Variants in MDN1 observed in about 807,000 individuals in gnomAD.
The protein encoded by MDN1 is midasin AAA ATPase 1.
Under a neutral mutation model 669.2 loss-of-function variants are expected in MDN1, and 266 were observed. That is an observed-to-expected ratio of 0.40 (90% CI 0.36 to 0.44). The LOEUF is 0.44. Among genes scored for constraint, MDN1 ranks in the 20% least tolerant of loss-of-function variants. The pLI is 1.00. For synonymous variants in MDN1, 2,385 were observed against 2,457.1 expected (o/e 0.97, Z 0.87); for missense variants, 5,940 against 6,754.0 (o/e 0.88, Z 4.22).
intron 73 of MDN1, among the ~76,000 whole-genome samples, chr6:89,682,035 C>G (rs1811643898): frequency 6.6e-6 from 1 of 152,212 alleles, no homozygotes; most frequent in African/African-American, 2.4e-5. Flanking sequence ...CATTCTGTAA[C>G]AGACCTGCTA....
At chr6:89,707,751 G>A (rs1172442476) in intron 51 of MDN1, among the ~76,000 whole-genome samples, 1 of 152,222 alleles carries the variant, frequency 6.6e-6, no homozygotes, top group East Asian at 1.9e-4. Context: ...CTTCAAAGTG[G>A]CCATGGTAGA....
rs761599132 is a variant in MDN1, at chr6:89,678,779, A to G, written c.12266-34T>C. Reference sequence around the variant, plus strand: ...GAAAACAAGGCGGGGAGGGGAGACAATAAGAAAATCCCAGGGGTCTGGTAA... The same window carrying G: ...GAAAACAAGGCGGGGAGGGGAGACAGTAAGAAAATCCCAGGGGTCTGGTAA... On this transcript the variant is annotated intron_variant, in intron 74 of 101. Coordinates refer to ENST00000369393, the MANE Select transcript of MDN1 (RefSeq NM_014611.3). The G allele has an allele frequency of 5.0e-6, 8 of 1,591,864 alleles. No homozygotes were observed. The Admixed American group carries it at 5.3e-5, about 11-fold the overall frequency.
In MDN1 at chr6:89,780,186, A is replaced by G. The variant is rs1818593093; in HGVS notation, c.1725+26T>C. 6.4e-6 allele frequency: 9 copies of G among 1,401,428 alleles called. 1 individual carries two copies. The East Asian group carries it at 2.2e-4, about 34-fold the overall frequency. The allele number at this position is 1,401,428 out of a possible 1,614,324, so 86.8% of individuals were successfully genotyped here. On this transcript the variant is annotated intron_variant, in intron 11 of 101. Transcript: ENST00000369393. Reference sequence around the variant, plus strand: ...TCAACAGCCTTACAGAACCAAGACAAAAAAGACTGGAAAACTATATCTTAC... The same window carrying G: ...TCAACAGCCTTACAGAACCAAGACAGAAAAGACTGGAAAACTATATCTTAC...
intron 59 of MDN1, among the ~76,000 whole-genome samples, chr6:89,697,729 C>T (rs1185639928): frequency 6.6e-6 from 1 of 151,924 alleles, no homozygotes; most frequent in Non-Finnish European, 1.5e-5. Context: ...TTCAGGCGCA[C>T]ACCACTACTG....
chr6:89,753,656 A>G (rs1363524908), intron 21 of MDN1, 34 bp from the exon 22 acceptor site: 6 of 1,499,340 alleles, frequency 4.0e-6, no homozygotes, highest in Non-Finnish European at 5.6e-6. Context: ...ATAATGCTAA[A>G]TAACCTTCTG....
chr6:89,710,336 T>C (rs1311416398), intron 50 of MDN1, among the ~76,000 whole-genome samples: 1 of 152,074 alleles, frequency 6.6e-6, no homozygotes, highest in Admixed American at 6.6e-5. Flanking sequence ...TTTTACTCCA[T>C]GGCATATCAT....
intron 40 of MDN1, among the ~76,000 whole-genome samples, chr6:89,719,884 T>C (rs892351919): frequency 1.3e-5 from 2 of 152,242 alleles, no homozygotes; most frequent in African/African-American, 4.8e-5. Flanking sequence ...TATCCTTTCA[T>C]TAGCAGTAAT....
At chr6:89,773,475 G>A (rs1241431296) in intron 13 of MDN1, among the ~76,000 whole-genome samples, 1 of 151,146 alleles carries the variant, frequency 6.6e-6, no homozygotes, top group Non-Finnish European at 1.5e-5. Flanking sequence ...TGGAGGTGGA[G>A]GTTGCAGTGA....
chr6:89,706,206 TAAATA>T lies in MDN1; in HGVS notation c.8015-19_8015-15del, dbSNP rs1250587324. Reference sequence around the variant, plus strand: ...AGCTTTCTGGATCTGAGAGTCAACATAAATAAAATGAGAACATTTCATCAGATTTA... The same window carrying T: ...AGCTTTCTGGATCTGAGAGTCAACATAAATGAGAACATTTCATCAGATTTA... On this transcript the variant is annotated splice_polypyrimidine_tract_variant and intron_variant, in intron 52 of 101. Coordinates refer to ENST00000369393, the MANE Select transcript of MDN1 (RefSeq NM_014611.3). The T allele has an allele frequency of 1.2e-6, 2 of 1,602,588 alleles. No individual in the cohort carries two copies. Among genetic ancestry groups the T allele is most frequent in the Non-Finnish European group, 1.7e-6 (2 of 1,174,668 alleles).
chr6:89,777,941 C>T (rs1354759239), intron 11 of MDN1, among the ~76,000 whole-genome samples: 2 of 152,094 alleles, frequency 1.3e-5, no homozygotes, highest in South Asian at 4.1e-4. Flanking sequence ...ATATGGCTAG[C>T]CTAGTATTCA....
In MDN1 at chr6:89,790,395, T is replaced by C; in HGVS notation, c.862A>G (p.Asn288Asp). The C allele has an allele frequency of 5.6e-6, 9 of 1,613,800 alleles. No individual in the cohort carries two copies. Among genetic ancestry groups the C allele is most frequent in the Non-Finnish European group, 7.6e-6 (9 of 1,179,952 alleles). ...QLPAPGELGG[N>D]RSSSREQELA... Reference sequence around the variant, plus strand: ...TCCTGTTCACGTGAAGAACTCCTATTACCACCCTAAAGAGGCAAGACAAAA... The same window carrying C: ...TCCTGTTCACGTGAAGAACTCCTATCACCACCCTAAAGAGGCAAGACAAAA... Residue 288 changes from asparagine (N) to aspartate (D), a missense_variant, in exon 6 of 102, where the codon AAT becomes GAT. Transcript: ENST00000369393.
intron 80 of MDN1, among the ~76,000 whole-genome samples, 163 bp downstream of exon 80, chr6:89,673,073 A>C (rs1810937573): frequency 6.6e-6 from 1 of 152,164 alleles, no homozygotes; most frequent in African/African-American, 2.4e-5. Flanking sequence ...ATGGGGCAAA[A>C]AAGTTAAGAG....
chr6:89,796,333 A>AC (rs1554199798), intron 2 of MDN1, among the ~76,000 whole-genome samples: 1,947 of 107,778 alleles, frequency 0.018, 71 homozygotes, highest in Non-Finnish European at 0.029. Flanking sequence ...TCAAAAAAAA[A>AC]AAAAAAAAAA....
In MDN1 at chr6:89,683,001, G is replaced by T. The variant is rs544860990; in HGVS notation, c.12102+131C>A. 8.9e-6 allele frequency: 8 copies of T among 895,622 alleles called. No homozygotes were observed. The South Asian group carries it at 1.4e-4, about 16-fold the overall frequency. 55.5% of individuals were successfully genotyped at this position (895,622 alleles called of 1,614,324 possible). On this transcript the variant is annotated intron_variant, in intron 73 of 101. Transcript: ENST00000369393. ...CTGCAGGGAAGTCAGGCAAATACATGCTATATATGTCCAAAGAACAAGATT... is the reference window on the plus strand; with the variant it reads ...CTGCAGGGAAGTCAGGCAAATACATTCTATATATGTCCAAAGAACAAGATT...
intron 94 of MDN1, among the ~76,000 whole-genome samples, chr6:89,652,617 T>C (rs1242505048): frequency 6.6e-6 from 1 of 152,252 alleles, no homozygotes; most frequent in East Asian, 1.9e-4. Context: ...CTTAATTAAA[T>C]AGCTCTTCAT....
intron 73 of MDN1, among the ~76,000 whole-genome samples, 153 bp downstream of exon 73, chr6:89,682,979 C>T (rs1339278757): frequency 6.6e-6 from 1 of 151,640 alleles, no homozygotes; most frequent in East Asian, 1.9e-4. Flanking sequence ...CCTTATTCTG[C>T]AGGGAAGTCA....
intron 14 of MDN1, among the ~76,000 whole-genome samples, chr6:89,771,919 C>A (rs889389231): frequency 6.6e-6 from 1 of 152,114 alleles, no homozygotes; most frequent in African/African-American, 2.4e-5. Flanking sequence ...TGTTGCCAGG[C>A]TGGTCTTGAA....
Position 89,683,148 on chromosome 6 carries a change from T to C in MDN1, c.12086A>G (p.Gln4029Arg). The part of the protein sequence containing the change: ...NRALRETLLA[Q>R]PAAGQATIPE... Reference sequence around the variant, plus strand: ...ACCAAGTACCTGCCCAGCTGCTGGTTGGGCTAACAGGGTCTCCCTCAGTGC... The same window carrying C: ...ACCAAGTACCTGCCCAGCTGCTGGTCGGGCTAACAGGGTCTCCCTCAGTGC... Residue 4029 changes from glutamine to arginine, a missense_variant, in exon 73 of 102, where the codon CAA becomes CGA. By Grantham distance (43) the Gln-to-Arg change is conservative. Transcript: ENST00000369393. 1 of 1,614,158 alleles carries C rather than the reference T, an allele frequency of 6.2e-7. No homozygotes were observed. Among genetic ancestry groups the C allele is most frequent in the Non-Finnish European group, 8.5e-7 (1 of 1,180,032 alleles).
At chr6:89,781,202 G>T in intron 10 of MDN1, 197 bp downstream of exon 10, 1 of 599,760 alleles carries the variant, frequency 1.7e-6, no homozygotes, top group Non-Finnish European at 2.9e-6. Context: ...CTGAAAAAGG[G>T]ATCTGACACC....
Sources: gnomAD v4.1 joint callset for allele counts (sites outside exome capture counted in the v4.1 genomes callset) on GRCh38, gnomAD v4.1.1 for gene constraint, MANE v1.5 for transcripts, NCBI Gene and HGNC (gene_info 2026-07-23, HGNC 2026-07-21) for gene names.